The following CSRNP3 variants were observed in gnomAD, a reference collection of about 807,000 sequenced individuals.
CSRNP3 encodes the protein cysteine and serine rich nuclear protein 3.
In CSRNP3, 12 loss-of-function variants were observed where a neutral mutation model predicts 48.0. The observed-to-expected ratio is 0.25, with a 90% confidence interval of 0.16 to 0.41. The LOEUF is 0.41. CSRNP3 is among the 10% of genes least tolerant of loss of function. The pLI, the probability that CSRNP3 is intolerant of heterozygous loss-of-function variation, is 1.00. For missense variants in CSRNP3, 580 were observed against 724.4 expected, an observed-to-expected ratio of 0.80 and a Z score of 2.29; for synonymous variants, 263 against 269.7, an observed-to-expected ratio of 0.98 and a Z score of 0.24.
At chr2:165,645,862 C>A (rs750483530) in intron 4 of CSRNP3, among the ~76,000 whole-genome samples, 1 of 152,136 alleles carries the variant, frequency 6.6e-6, no homozygotes, top group Non-Finnish European at 1.5e-5. Flanking sequence ...TTTTCTGCCT[C>A]AGCCTTGTAG....
chr2:165,671,720 A>T (rs1300218059), intron 5 of CSRNP3, among the ~76,000 whole-genome samples: 1 of 152,144 alleles, frequency 6.6e-6, no homozygotes, highest in African/African-American at 2.4e-5. Context: ...TACTTATGCA[A>T]ATTTCTGTGT....
chr2:165,625,362 C>T (rs553837126), intron 4 of CSRNP3, among the ~76,000 whole-genome samples: 2 of 151,770 alleles, frequency 1.3e-5, no homozygotes, highest in African/African-American at 4.8e-5. Flanking sequence ...CACGGTGGCT[C>T]ATGCCTGTAA....
intron 5 of CSRNP3, among the ~76,000 whole-genome samples, chr2:165,675,512 G>A (rs558332868): frequency 2.6e-4 from 40 of 152,336 alleles, no homozygotes; most frequent in South Asian, 2.1e-3. Flanking sequence ...CTTACTGATG[G>A]ATGAGATTAA....
intron 3 of CSRNP3, among the ~76,000 whole-genome samples, chr2:165,594,765 A>G (rs561064214): frequency 2.0e-5 from 3 of 152,272 alleles, no homozygotes; most frequent in Admixed American, 1.3e-4. Flanking sequence ...GATTTTCTCA[A>G]TTTGCCAATA....
intron 4 of CSRNP3, among the ~76,000 whole-genome samples, chr2:165,623,564 C>T (rs1869474): frequency 0.32 from 49,345 of 152,034 alleles, 8,597 homozygotes; most frequent in East Asian, 0.47. Flanking sequence ...GCAAATACTA[C>T]ACCATTTTAT....
At chr2:165,511,147 A>AC (rs1246002339) in intron 2 of CSRNP3, among the ~76,000 whole-genome samples, 10 of 152,184 alleles carry the variant, frequency 6.6e-5, no homozygotes, top group Admixed American at 2.0e-4. Context: ...GGATTTGGCA[A>AC]TATTCAAGTT....
At chr2:165,629,944 C>A (rs1042155596) in intron 4 of CSRNP3, among the ~76,000 whole-genome samples, 8 of 152,146 alleles carry the variant, frequency 5.3e-5, no homozygotes, top group Admixed American at 1.3e-4. Context: ...GTCTAGAGGA[C>A]CCCAAGCTGA....
chr2:165,538,139 A>C (rs1184843624), intron 3 of CSRNP3, among the ~76,000 whole-genome samples: 1 of 151,976 alleles, frequency 6.6e-6, no homozygotes, highest in South Asian at 2.1e-4. Flanking sequence ...TAAAGAGGCA[A>C]GATTATTCAT....
intron 3 of CSRNP3, among the ~76,000 whole-genome samples, chr2:165,589,490 G>C (rs980233872): frequency 1.3e-5 from 2 of 152,126 alleles, no homozygotes; most frequent in Non-Finnish European, 2.9e-5. Flanking sequence ...ATGGGTGTAG[G>C]TGTATGTTAA....
At chr2:165,499,739 A>G (rs1684331030) in intron 2 of CSRNP3, among the ~76,000 whole-genome samples, 1 of 152,178 alleles carries the variant, frequency 6.6e-6, no homozygotes, top group African/African-American at 2.4e-5. Flanking sequence ...AACAAAACCA[A>G]AAAGATAACT....
At chr2:165,493,437 G>C (rs1003442119) in intron 1 of CSRNP3, among the ~76,000 whole-genome samples, 10 of 152,098 alleles carry the variant, frequency 6.6e-5, no homozygotes, top group Non-Finnish European at 1.5e-4. Context: ...TGATTCCCTA[G>C]TCTGTTAACC....
intron 5 of CSRNP3, among the ~76,000 whole-genome samples, chr2:165,668,578 T>C (rs1687275615): frequency 6.6e-6 from 1 of 151,858 alleles, no homozygotes; most frequent in African/African-American, 2.4e-5. Context: ...GTTTTTGTAT[T>C]TTTAGTAGAG....
chr2:165,567,775 G>T (rs1280921776), intron 3 of CSRNP3, among the ~76,000 whole-genome samples: 1 of 151,672 alleles, frequency 6.6e-6, no homozygotes, highest in Non-Finnish European at 1.5e-5. Flanking sequence ...TCAGACACAA[G>T]AAAAAAATAT....
intron 3 of CSRNP3, among the ~76,000 whole-genome samples, chr2:165,549,142 A>G (rs1236209010): frequency 6.6e-6 from 1 of 151,958 alleles, no homozygotes; most frequent in Non-Finnish European, 1.5e-5. Flanking sequence ...AAAAGCTGTA[A>G]AGGAATAATT....
In CSRNP3 at chr2:165,661,472, C is replaced by G. The variant is rs533068649; in HGVS notation, c.408+3452C>G. Among the ~76,000 whole-genome samples the G allele has an allele frequency of 2.0e-5, 3 of 152,268 alleles. No individual in the cohort carries two copies. In the East Asian group the frequency reaches 5.8e-4, roughly 29 times the overall value. ...CCTCATGATTGCATGGCTGACAGAG[C>G]TGTCCCAATACCCTGTATCATGCAA... On this transcript the variant is annotated intron_variant, in intron 5 of 6. Transcript: ENST00000651982.
chr2:165,613,874 C>G (rs1013516834), intron 4 of CSRNP3, among the ~76,000 whole-genome samples: 2 of 148,230 alleles, frequency 1.3e-5, no homozygotes, highest in Non-Finnish European at 3.0e-5. Context: ...ATTGCTTTGG[C>G]TATTCAGGGT....
chr2:165,553,170 G>T (rs960573045), intron 3 of CSRNP3, among the ~76,000 whole-genome samples: 1 of 152,070 alleles, frequency 6.6e-6, no homozygotes, highest in South Asian at 2.1e-4. Context: ...AGCAGTCATT[G>T]TCTAGCCTCT....
chr2:165,599,516 A>G (rs1685877168), intron 4 of CSRNP3, among the ~76,000 whole-genome samples: 1 of 152,060 alleles, frequency 6.6e-6, no homozygotes, highest in Non-Finnish European at 1.5e-5. Flanking sequence ...GTCTCAAACT[A>G]CTGGGCTCTG....
At chr2:165,606,849 T>A (rs1238734810) in intron 4 of CSRNP3, among the ~76,000 whole-genome samples, 4 of 152,130 alleles carry the variant, frequency 2.6e-5, no homozygotes, top group African/African-American at 9.6e-5. Context: ...CACCATTTTT[T>A]ATGGAAGTAA....
Sources: gnomAD v4.1 joint callset for allele counts (sites outside exome capture counted in the v4.1 genomes callset) on GRCh38, gnomAD v4.1.1 for gene constraint, MANE v1.5 for transcripts, NCBI Gene and HGNC (gene_info 2026-07-23, HGNC 2026-07-21) for gene names.